TOGARAM1: variants seen among roughly 807,000 people sequenced by gnomAD.
The protein encoded by TOGARAM1 is TOG array regulator of axonemal microtubules 1, also known as TOG array regulator of axonemal microtubules protein 1.
A neutral mutation model predicts 166.6 loss-of-function variants in TOGARAM1; 100 were observed. The ratio of observed to expected loss-of-function variants is 0.60; its 90% CI spans 0.51 to 0.71. TOGARAM1 has a LOEUF of 0.71. Ranked by LOEUF, TOGARAM1 falls within the 30% of genes least tolerant of loss-of-function variation. TOGARAM1 has a pLI of 0.00. For synonymous variants in TOGARAM1, 758 were observed against 763.8 expected, an observed-to-expected ratio of 0.99 and a Z score of 0.13; for missense variants, 2,029 against 2,102.7, an observed-to-expected ratio of 0.96 and a Z score of 0.69.
intron 1 of TOGARAM1, among the ~76,000 whole-genome samples, chr14:44,993,850 T>A (rs1887271007): frequency 6.6e-6 from 1 of 152,218 alleles, no homozygotes; most frequent in Non-Finnish European, 1.5e-5. Context: ...GCCTATATAC[T>A]AATATCTGTT....
chr14:44,965,317 T>C (rs1042586508), intron 1 of TOGARAM1, among the ~76,000 whole-genome samples: 2 of 152,212 alleles, frequency 1.3e-5, no homozygotes, highest in Admixed American at 1.3e-4. Flanking sequence ...TTTCCCAAAT[T>C]GTCTCCAAAA....
intron 16 of TOGARAM1, among the ~76,000 whole-genome samples, chr14:45,058,483 C>T (rs765950819): frequency 2.0e-5 from 3 of 151,994 alleles, no homozygotes; most frequent in African/African-American, 2.4e-5. Context: ...TTAGTAGAGA[C>T]GGGGTTTCAC....
chr14:45,019,224 T>A (rs1566638703), intron 7 of TOGARAM1, among the ~76,000 whole-genome samples: 1 of 152,216 alleles, frequency 6.6e-6, no homozygotes, highest in Non-Finnish European at 1.5e-5. Context: ...TATCATTTAC[T>A]CTCAGTCTAA....
intron 16 of TOGARAM1, among the ~76,000 whole-genome samples, chr14:45,060,334 GCCTC>G (rs1882850277): frequency 6.6e-6 from 1 of 151,452 alleles, no homozygotes; most frequent in South Asian, 2.1e-4. Flanking sequence ...TCCTGCCTTG[GCCTC>G]CTAAGTAGCC....
chr14:44,970,944 T>G (rs1279925456), intron 1 of TOGARAM1, among the ~76,000 whole-genome samples: 2 of 152,204 alleles, frequency 1.3e-5, no homozygotes, highest in East Asian at 3.8e-4. Context: ...TTACTAATAT[T>G]TTGTTGAGGA....
chr14:45,025,356 G>C (rs1198577973), intron 7 of TOGARAM1: 2 of 153,666 alleles, frequency 1.3e-5, no homozygotes, highest in South Asian at 2.0e-4. Context: ...ATGAGGTCAG[G>C]AGGTCGAGAT....
At chr14:44,969,586 T>A (rs1885770807) in intron 1 of TOGARAM1, among the ~76,000 whole-genome samples, 1 of 152,234 alleles carries the variant, frequency 6.6e-6, no homozygotes, top group African/African-American at 2.4e-5. Context: ...CTTGCATGGA[T>A]CATGCCTTTG....
chr14:44,994,116 GT>G (rs1425999236), intron 1 of TOGARAM1, among the ~76,000 whole-genome samples: 1 of 151,662 alleles, frequency 6.6e-6, no homozygotes, highest in East Asian at 1.9e-4. Flanking sequence ...GCATTCTTCT[GT>G]TTTTTTTGAG....
intron 1 of TOGARAM1, among the ~76,000 whole-genome samples, chr14:44,970,699 A>G (rs1030643885): frequency 6.6e-6 from 1 of 152,118 alleles, no homozygotes; most frequent in African/African-American, 2.4e-5. Context: ...TATAAAGTTG[A>G]GAAAGTTCCC....
intron 8 of TOGARAM1, 39 bp downstream of exon 8, chr14:45,025,911 C>T: frequency 9.5e-7 from 1 of 1,055,172 alleles, no homozygotes; most frequent in Non-Finnish European, 1.5e-6. Flanking sequence ...TATATGTATT[C>T]ATCATATAGA....
intron 1 of TOGARAM1, among the ~76,000 whole-genome samples, chr14:44,988,479 A>G (rs2138784260): frequency 6.6e-6 from 1 of 152,306 alleles, no homozygotes; most frequent in South Asian, 2.1e-4. Context: ...AACATAGATA[A>G]TCTAATTTTG....
At chr14:45,072,421 A>G (rs1883424899) in intron 19 of TOGARAM1, among the ~76,000 whole-genome samples, 1 of 151,134 alleles carries the variant, frequency 6.6e-6, no homozygotes, top group Non-Finnish European at 1.5e-5. Flanking sequence ...GAGTCTCTGG[A>G]ACTTTTTTTT....
At position 45,025,847 on chromosome 14, in the gene TOGARAM1, A is replaced by G. The variant is rs1256833071; in HGVS notation, c.3303A>G (p.Glu1101=). The G allele has an allele frequency of 6.2e-7, 1 of 1,602,056 alleles. No homozygotes were observed. The highest frequency in any genetic ancestry group is 8.5e-7 in the Non-Finnish European group (1 of 1,170,152). Residue 1101 remains glutamate (E), a synonymous_variant, in exon 8 of 20, where the codon GAA becomes GAG. Coordinates refer to ENST00000361462, the MANE Select transcript of TOGARAM1 (RefSeq NM_001308120.2). ...TCACAACCACAAAGGCTTTATCAGA[A>G]GACTCAGTAGTAGTTGTTGGAAAAG... ...FDFTTTKALS[E]DSVVVVGKGV...
rs770145117 is a variant in TOGARAM1 at position 45,036,130 on chromosome 14, T to TA, written c.3812+3781dup. ...GAGCAACAGAACAAGACCTTGTCTCTAAAAAAAAAAAAAAAAAAAAAAAAA... is the reference window on the plus strand; with the variant it reads ...GAGCAACAGAACAAGACCTTGTCTCTAAAAAAAAAAAAAAAAAAAAAAAAAA... On this transcript the variant is annotated intron_variant, in intron 11 of 19. Transcript: ENST00000361462. 9.2e-3 allele frequency among the ~76,000 whole-genome samples: 268 copies of TA among 29,030 alleles called. 4 individuals are homozygous for TA. The highest frequency in any genetic ancestry group is 0.017 in the East Asian group (14 of 838). 19.0% of individuals were successfully genotyped at this position (29,030 alleles called of 152,430 possible).
chr14:45,055,918 A>G (rs1882615551), intron 16 of TOGARAM1, among the ~76,000 whole-genome samples: 2 of 149,586 alleles, frequency 1.3e-5, no homozygotes, highest in South Asian at 4.2e-4. Context: ...AGTCTGTGAT[A>G]AATGATATTG....
chr14:45,042,825 G>A (rs1353276338), intron 11 of TOGARAM1, among the ~76,000 whole-genome samples: 1 of 152,118 alleles, frequency 6.6e-6, no homozygotes, highest in African/African-American at 2.4e-5. Flanking sequence ...TGATGTTGAT[G>A]GCTGCTGACT....
In TOGARAM1 at chr14:44,994,183, C is replaced by T. The variant is rs145796060; in HGVS notation, c.2047-1563C>T. Among the ~76,000 whole-genome samples, 203 of 151,800 alleles carry T rather than the reference C, an allele frequency of 1.3e-3. 2 individuals are homozygous for T. In the East Asian group the frequency reaches 0.035, roughly 27 times the overall value. ...GTGCAGTGGCATGATCTTGGCTCAC[C>T]GCAACCTCTGTCTCCTGGGTTCAAG... is the stretch of plus-strand genomic sequence containing the variant. On this transcript the variant is annotated intron_variant, in intron 1 of 19. Coordinates refer to ENST00000361462, the MANE Select transcript of TOGARAM1 (RefSeq NM_001308120.2).
At chr14:44,979,190 A>G (rs1886392632) in intron 1 of TOGARAM1, among the ~76,000 whole-genome samples, 1 of 151,972 alleles carries the variant, frequency 6.6e-6, no homozygotes, top group Non-Finnish European at 1.5e-5. Flanking sequence ...AATAATAATA[A>G]TACTGTTTTC....
In TOGARAM1 at chr14:45,004,082, G is replaced by T; in HGVS notation, c.2360G>T (p.Gly787Val). 1 of 1,613,710 alleles carries T rather than the reference G, an allele frequency of 6.2e-7. No homozygotes were observed. The highest frequency in any genetic ancestry group is 1.1e-5 in the South Asian group (1 of 91,034). ...ACAGTGTATGCTAGCCTCAATTTTG[G>T]CAGTAAGACACAGCAAACATTTGGT... is the stretch of plus-strand genomic sequence containing the variant. ...QEKVYASLNF[G>V]SKTQQTFGSQ... The change falls in exon 4 of 20, where the codon GGC becomes GTC. Residue 787 changes from glycine to valine, a missense_variant. Gly to Val is a moderately radical substitution (Grantham distance 109). Coordinates refer to ENST00000361462, the MANE Select transcript of TOGARAM1 (RefSeq NM_001308120.2).
Sources: gnomAD v4.1 joint callset for allele counts (sites outside exome capture counted in the v4.1 genomes callset) on GRCh38, gnomAD v4.1.1 for gene constraint, MANE v1.5 for transcripts, NCBI Gene and HGNC (gene_info 2026-07-23, HGNC 2026-07-21) for gene names.